The following MERTK variants were observed in gnomAD, a reference collection of about 807,000 sequenced individuals.
The protein encoded by MERTK is MER proto-oncogene, tyrosine kinase, also known as tyrosine-protein kinase Mer.
MERTK carries 69 observed loss-of-function variants against 99.3 expected under a neutral mutation model. The ratio of observed to expected loss-of-function variants is 0.70; its 90% CI spans 0.57 to 0.85. The LOEUF (loss-of-function observed/expected upper bound fraction) is 0.85. Among genes scored for constraint, MERTK ranks in the 40% least tolerant of loss-of-function variants. MERTK has a pLI of 0.00. For synonymous variants in MERTK, 426 were observed against 467.6 expected (o/e 0.91, Z 1.15); for missense variants, 1,125 against 1,249.4 (o/e 0.90, Z 1.50).
At position 111,898,815 on chromosome 2, in the gene MERTK, G is replaced by A. The variant is rs115821982; in HGVS notation, c.61+19G>A. On this transcript the variant is annotated intron_variant, in intron 1 of 18. Coordinates refer to ENST00000295408, the MANE Select transcript of MERTK (RefSeq NM_006343.3). ...CGTAGAGGTGAGTGCGCCCGGCTGGGGGCCAGGCGAGGGGGTGGGGGCTCC... is the reference window on the plus strand; with the variant it reads ...CGTAGAGGTGAGTGCGCCCGGCTGGAGGCCAGGCGAGGGGGTGGGGGCTCC... 68,140 of 1,577,290 alleles carry A rather than the reference G, an allele frequency of 0.043. 1,612 individuals are homozygous for A. Among genetic ancestry groups the A allele is most frequent in the African/African-American group, 0.057 (4,242 of 74,212 alleles).
chr2:111,898,609 T>A lies in MERTK; in HGVS notation c.-127T>A. The A allele has an allele frequency of 3.6e-6, 4 of 1,102,700 alleles. No individual in the cohort carries two copies. Among genetic ancestry groups the A allele is most frequent in the Non-Finnish European group, 4.0e-6 (3 of 757,238 alleles). The allele number at this position is 1,102,700 out of a possible 1,614,324, so 68.3% of individuals were successfully genotyped here. ...CCCGCCGGCCGCTTGGCTCCGCCACTCGGCACTCACTGCCCGGGCCGCCCG... is the reference window on the plus strand; with the variant it reads ...CCCGCCGGCCGCTTGGCTCCGCCACACGGCACTCACTGCCCGGGCCGCCCG... On this transcript the variant is annotated 5_prime_UTR_variant, in exon 1 of 19. Coordinates refer to ENST00000295408, the MANE Select transcript of MERTK (RefSeq NM_006343.3).
At chr2:112,009,857 C>CA in intron 14 of MERTK, 91 bp from the exon 15 acceptor site, 1 of 964,784 alleles carries the variant, frequency 1.0e-6, no homozygotes, top group East Asian at 2.4e-5. Context: ...CTTGGTAACA[C>CA]ACGGCTTCAG....
intron 15 of MERTK, chr2:112,015,679 G>C (rs2104418406): frequency 6.6e-6 from 1 of 152,046 alleles, no homozygotes; most frequent in East Asian, 1.9e-4. Context: ...TTTTGATAAA[G>C]CCCAATTTAT....
chr2:111,923,094 G>C (rs1303462420), intron 1 of MERTK, among the ~76,000 whole-genome samples: 8 of 152,128 alleles, frequency 5.3e-5, no homozygotes, highest in Admixed American at 3.9e-4. Context: ...TCACCCTTCA[G>C]GACCTCTGCA....
At chr2:112,021,609 C>A in intron 17 of MERTK, 28 bp downstream of exon 17, 1 of 1,582,936 alleles carries the variant, frequency 6.3e-7, no homozygotes, top group Non-Finnish European at 8.7e-7. Flanking sequence ...ATTCAGGGGT[C>A]CCACAGCACA....
Position 111,997,307 on chromosome 2 carries a change from A to T in MERTK, c.1451-16A>T. 1 of 1,613,710 alleles carries T rather than the reference A, an allele frequency of 6.2e-7. No individual in the cohort carries two copies. On this transcript the variant is annotated splice_polypyrimidine_tract_variant and intron_variant, in intron 9 of 18. Transcript: ENST00000295408. ...TATATTTCAAACCCATGACTGGTCTATTGGTATCTCACCAGGTTGGGTAGA... is the reference window on the plus strand; with the variant it reads ...TATATTTCAAACCCATGACTGGTCTTTTGGTATCTCACCAGGTTGGGTAGA...
intron 2 of MERTK, among the ~76,000 whole-genome samples, chr2:111,941,280 T>C (rs1285418437): frequency 6.6e-6 from 1 of 152,214 alleles, no homozygotes; most frequent in African/African-American, 2.4e-5. Context: ...TTCTGATTCA[T>C]TCATAAGTGA....
Position 111,929,546 on chromosome 2 carries a change from T to C in MERTK, c.482+6T>C. ...GCAATAATCGCTTCCTTCAGGTATG[T>C]GTTCTTTCTTCCTTTTTTATTTTTT... On this transcript the variant is annotated splice_donor_region_variant and intron_variant, in intron 2 of 18. Coordinates refer to ENST00000295408, the MANE Select transcript of MERTK (RefSeq NM_006343.3). 1.3e-6 allele frequency: 2 copies of C among 1,557,248 alleles called. No individual in the cohort carries two copies. The highest frequency in any genetic ancestry group is 1.7e-6 in the Non-Finnish European group (2 of 1,151,670).
chr2:111,940,120 C>G (rs1178480625), intron 2 of MERTK, among the ~76,000 whole-genome samples: 1 of 145,676 alleles, frequency 6.9e-6, no homozygotes, highest in African/African-American at 2.5e-5. Context: ...TTTTTTTTTT[C>G]TACTTTCCTA....
At chr2:111,945,129 T>G in intron 3 of MERTK, 69 bp downstream of exon 3, 1 of 1,229,246 alleles carries the variant, frequency 8.1e-7, no homozygotes, top group South Asian at 1.2e-5. Context: ...AAATGTTTTG[T>G]GTATAATACT....
chr2:111,974,769 C>CAAAAAAAAAAAAAAAAAAAAAAAAAAAA (rs35594851), intron 6 of MERTK, among the ~76,000 whole-genome samples: 2 of 53,378 alleles, frequency 3.7e-5, no homozygotes, highest in African/African-American at 1.5e-4. Flanking sequence ...AGGTCCATCT[C>CAAAAAAAAAAAAAAAAAAAAAAAAAAAA]AAAAAAAAAA....
intron 1 of MERTK, among the ~76,000 whole-genome samples, chr2:111,900,044 A>G (rs557262218): frequency 5.3e-5 from 8 of 152,292 alleles, no homozygotes; most frequent in African/African-American, 1.7e-4. Context: ...TCTCTCAGCT[A>G]AAAGGTTTCT....
At chr2:112,017,242 T>C (rs907818862) in intron 15 of MERTK, among the ~76,000 whole-genome samples, 2 of 152,040 alleles carry the variant, frequency 1.3e-5, no homozygotes, top group African/African-American at 4.8e-5. Flanking sequence ...GCATTTACAG[T>C]CCTTTGGCTA....
chr2:111,901,662 C>A (rs1432842921), intron 1 of MERTK, among the ~76,000 whole-genome samples: 1 of 147,036 alleles, frequency 6.8e-6, no homozygotes, highest in Non-Finnish European at 1.5e-5. Flanking sequence ...CTCAAGTGAT[C>A]CTCCCACCTC....
chr2:111,899,518 CTT>C (rs1186269773), intron 1 of MERTK, among the ~76,000 whole-genome samples: 4 of 146,312 alleles, frequency 2.7e-5, no homozygotes, highest in Non-Finnish European at 3.0e-5. Context: ...TTGTTACAGG[CTT>C]TTTTTTTTTT....
chr2:111,946,415 C>T (rs1314040582), intron 3 of MERTK, among the ~76,000 whole-genome samples: 1 of 152,162 alleles, frequency 6.6e-6, no homozygotes, highest in Admixed American at 6.5e-5. Context: ...TCTGTGAGTT[C>T]CCAATCCCCA....
chr2:112,021,722 C>T, intron 17 of MERTK, 141 bp downstream of exon 17: 1 of 744,842 alleles, frequency 1.3e-6, no homozygotes, highest in Non-Finnish European at 2.3e-6. Flanking sequence ...TCTTTTATAT[C>T]TTACCATCAG....
At chr2:111,899,191 T>A (rs543082083) in intron 1 of MERTK, among the ~76,000 whole-genome samples, 1 of 152,184 alleles carries the variant, frequency 6.6e-6, no homozygotes, top group African/African-American at 2.4e-5. Flanking sequence ...TAGAGTTGCA[T>A]GGTGGGGCCC....
rs1471555672 is a variant in MERTK, at chr2:111,997,568, C to T, written c.1604+92C>T. 10 of 1,455,774 alleles carry T rather than the reference C, an allele frequency of 6.9e-6. No individual in the cohort carries two copies. In the Admixed American group the frequency reaches 8.9e-5, roughly 13 times the overall value. 90.2% of individuals were successfully genotyped at this position (1,455,774 alleles called of 1,614,324 possible). A position where few individuals can be genotyped will look rare whatever the true frequency, so the allele number is the denominator to read the frequency against. On this transcript the variant is annotated intron_variant, in intron 10 of 18. Coordinates refer to ENST00000295408, the MANE Select transcript of MERTK (RefSeq NM_006343.3). Reference sequence around the variant, plus strand: ...CCTTTCCTGTTGGGCCAGCTGCTTACATTGCTCCCAGATGGCTGCCCTGCC... The same window carrying T: ...CCTTTCCTGTTGGGCCAGCTGCTTATATTGCTCCCAGATGGCTGCCCTGCC...
Sources: gnomAD v4.1 joint callset for allele counts (sites outside exome capture counted in the v4.1 genomes callset) on GRCh38, gnomAD v4.1.1 for gene constraint, MANE v1.5 for transcripts, NCBI Gene and HGNC (gene_info 2026-07-23, HGNC 2026-07-21) for gene names.